Variants in CPNE4 observed in about 807,000 individuals in gnomAD.
CPNE4 encodes copine-4.
Under a neutral mutation model 67.9 loss-of-function variants are expected in CPNE4, and 25 were observed. The observed-to-expected ratio is 0.37, with a 90% CI of 0.27 to 0.51. The LOEUF (loss-of-function observed/expected upper bound fraction) is 0.51, where lower values mean the gene tolerates loss of function less well. CPNE4 is among the 20% of genes least tolerant of loss of function. The probability of loss-of-function intolerance (pLI) is 0.93; values close to 1 mark genes in which losing one functional copy is unlikely to be tolerated. For synonymous variants in CPNE4, 242 were observed against 244.9 expected, an observed-to-expected ratio of 0.99 and a Z score of 0.11; for missense variants, 464 against 690.8, an observed-to-expected ratio of 0.67 and a Z score of 3.68.
intron 1 of CPNE4, among the ~76,000 whole-genome samples, chr3:132,032,473 T>C (rs2074256455): frequency 6.6e-6 from 1 of 152,252 alleles, no homozygotes; most frequent in African/African-American, 2.4e-5. Context: ...TATATCCTTT[T>C]ATGTAATGTT....
chr3:131,920,701 A>G (rs562761621), intron 1 of CPNE4, among the ~76,000 whole-genome samples: 2 of 152,296 alleles, frequency 1.3e-5, no homozygotes, highest in South Asian at 4.1e-4. Context: ...AGGCCCTTAA[A>G]ATGTCAGTTG....
At chr3:131,634,870 C>T (rs998963669) in intron 7 of CPNE4, among the ~76,000 whole-genome samples, 2 of 151,936 alleles carry the variant, frequency 1.3e-5, no homozygotes, top group African/African-American at 4.8e-5. Context: ...TCCTTTTGGT[C>T]GAGGAAATTA....
chr3:131,911,208 G>T (rs2088959840), intron 1 of CPNE4, among the ~76,000 whole-genome samples: 2 of 152,128 alleles, frequency 1.3e-5, no homozygotes, highest in South Asian at 4.1e-4. Context: ...GGGAGGCAAG[G>T]AACTGAGGGT....
At chr3:131,979,815 ACT>A (rs1263461648) in intron 1 of CPNE4, among the ~76,000 whole-genome samples, 1 of 150,630 alleles carries the variant, frequency 6.6e-6, no homozygotes, top group Non-Finnish European at 1.5e-5. Context: ...CTTTAAAGAG[ACT>A]CTGTTGTGAT....
chr3:131,591,135 G>T (rs1938498791), intron 7 of CPNE4, among the ~76,000 whole-genome samples: 1 of 152,158 alleles, frequency 6.6e-6, no homozygotes, highest in Non-Finnish European at 1.5e-5. Context: ...CTGGAGAAAG[G>T]AGCAGAAGAA....
intron 2 of CPNE4, among the ~76,000 whole-genome samples, chr3:131,787,142 G>T (rs1041973537): frequency 1.3e-5 from 2 of 152,106 alleles, no homozygotes; most frequent in Non-Finnish European, 2.9e-5. Context: ...GATTTCTCCT[G>T]GGTCTCCAGA....
intron 2 of CPNE4, among the ~76,000 whole-genome samples, chr3:131,901,828 T>G (rs904881190): frequency 6.6e-6 from 1 of 150,622 alleles, no homozygotes; most frequent in Non-Finnish European, 1.5e-5. Flanking sequence ...AACCCTTAAT[T>G]TGAAACATTT....
intron 7 of CPNE4, among the ~76,000 whole-genome samples, chr3:131,652,091 C>A (rs139346264): frequency 8.8e-4 from 134 of 152,318 alleles, no homozygotes; most frequent in African/African-American, 3.1e-3. Flanking sequence ...CTGATGAAAT[C>A]ATTGCCGATA....
chr3:131,684,316 G>A (rs1346813276), intron 6 of CPNE4, among the ~76,000 whole-genome samples: 1 of 152,140 alleles, frequency 6.6e-6, no homozygotes, highest in African/African-American at 2.4e-5. Context: ...ACCTCTTTTG[G>A]TGGTGGTAAT....
rs1935036861 is a variant in CPNE4 at position 131,534,630 on chromosome 3, C to G, written c.*565G>C. ...AGACTTACCTCAAAAAGACTCACCTCAGAAAGAAGAAGTAAATAAACCTCT... is the reference window on the plus strand; with the variant it reads ...AGACTTACCTCAAAAAGACTCACCTGAGAAAGAAGAAGTAAATAAACCTCT... On this transcript the variant is annotated 3_prime_UTR_variant, in exon 16 of 16. Transcript: ENST00000429747. The G allele has an allele frequency of 6.6e-6, 1 of 152,186 alleles. No individual in the cohort carries two copies. Among genetic ancestry groups the G allele is most frequent in the South Asian group, 2.1e-4 (1 of 4,822 alleles). 9.4% of individuals were successfully genotyped at this position (152,186 alleles called of 1,614,324 possible).
intron 2 of CPNE4, among the ~76,000 whole-genome samples, chr3:131,727,851 T>C (rs1160760368): frequency 6.6e-6 from 1 of 152,218 alleles, no homozygotes; most frequent in African/African-American, 2.4e-5. Flanking sequence ...ATGTATATCA[T>C]AATCTGTGGT....
intron 1 of CPNE4, among the ~76,000 whole-genome samples, chr3:131,931,450 G>A (rs2071058087): frequency 6.6e-6 from 1 of 152,058 alleles, no homozygotes; most frequent in South Asian, 2.1e-4. Context: ...TGTCTTAATA[G>A]TAAGCATCAT....
intron 3 of CPNE4, among the ~76,000 whole-genome samples, chr3:131,700,968 A>G (rs1036972642): frequency 6.6e-6 from 1 of 151,864 alleles, no homozygotes; most frequent in Non-Finnish European, 1.5e-5. Context: ...GCTGGAAACC[A>G]TGATTCTCAG....
intron 2 of CPNE4, among the ~76,000 whole-genome samples, chr3:131,793,169 G>A (rs2083825573): frequency 6.6e-6 from 1 of 151,984 alleles, no homozygotes. Context: ...ATTTCTCATA[G>A]CCTTCCATTT....
upstream of CPNE4, chr3:132,037,997 T>C (rs2107711616): frequency 1.9e-5 from 1 of 53,480 alleles, no homozygotes; most frequent in Middle Eastern, 8.3e-3. Flanking sequence ...TCCTTTTATT[T>C]TCTTTCTTTT....
chr3:131,536,079 G>A (rs139835713), intron 15 of CPNE4, among the ~76,000 whole-genome samples: 228 of 152,288 alleles, frequency 1.5e-3, no homozygotes, highest in African/African-American at 5.1e-3. Flanking sequence ...GCTGAAGGAA[G>A]TGTGTATGGC....
rs190638995 is a variant in CPNE4 at position 131,754,052 on chromosome 3, G to A, written c.181-30427C>T. Reference sequence around the variant, plus strand: ...ATGAATGCCCATCAACAAGAGCATAGGCAGGAGAATAATGGGTGGTTTATT... The same window carrying A: ...ATGAATGCCCATCAACAAGAGCATAAGCAGGAGAATAATGGGTGGTTTATT... On this transcript the variant is annotated intron_variant, in intron 2 of 15. Coordinates refer to ENST00000429747, the MANE Select transcript of CPNE4 (RefSeq NM_130808.3). Among the ~76,000 whole-genome samples the A allele has an allele frequency of 1.2e-4, 19 of 152,242 alleles. 1 individual carries two copies. Among genetic ancestry groups the A allele is most frequent in the Admixed American group, 8.5e-4 (13 of 15,290 alleles).
intron 2 of CPNE4, among the ~76,000 whole-genome samples, chr3:131,863,771 G>A (rs1390520841): frequency 6.6e-6 from 1 of 152,218 alleles, no homozygotes; most frequent in Non-Finnish European, 1.5e-5. Context: ...TAGACATGAA[G>A]TCCTTGCCCA....
intron 2 of CPNE4, among the ~76,000 whole-genome samples, chr3:131,838,629 A>AT (rs11409454): frequency 0.85 from 129,331 of 151,638 alleles, 55,807 homozygotes; most frequent in East Asian, 1. Context: ...CCAAAAGAAA[A>AT]TCTGACAGAG....
Sources: gnomAD v4.1 joint callset for allele counts (sites outside exome capture counted in the v4.1 genomes callset) on GRCh38, gnomAD v4.1.1 for gene constraint, MANE v1.5 for transcripts, NCBI Gene and HGNC (gene_info 2026-07-23, HGNC 2026-07-21) for gene names.